Variants in CSMD1 observed in about 807,000 individuals in gnomAD.
CSMD1 encodes CUB and Sushi multiple domains 1.
CSMD1 carries 213 observed loss-of-function variants against 417.5 expected under a neutral mutation model. The ratio of observed to expected loss-of-function variants is 0.51; its 90% confidence interval spans 0.46 to 0.57. The LOEUF is 0.57. CSMD1 is among the 20% of genes least tolerant of loss of function. The pLI is 0.00. For synonymous variants in CSMD1, 2,862 were observed against 1,736.8 expected, an observed-to-expected ratio of 1.65 and a Z score of -16.11; for missense variants, 6,923 against 4,529.7, an observed-to-expected ratio of 1.53 and a Z score of -15.17.
intron 10 of CSMD1, among the ~76,000 whole-genome samples, chr8:3,552,020 G>A (rs951791360): frequency 6.6e-6 from 1 of 152,286 alleles, no homozygotes; most frequent in African/African-American, 2.4e-5. Context: ...AAGTTTCATA[G>A]CAAATGTTTA....
chr8:3,068,661 G>A (rs1227083209), intron 49 of CSMD1, among the ~76,000 whole-genome samples: 1 of 152,156 alleles, frequency 6.6e-6, no homozygotes, highest in Non-Finnish European at 1.5e-5. Context: ...AAGGCCAAGG[G>A]GGAGCAGGCT....
At chr8:4,010,876 C>G (rs1816487535) in intron 4 of CSMD1, among the ~76,000 whole-genome samples, 1 of 152,140 alleles carries the variant, frequency 6.6e-6, no homozygotes, top group South Asian at 2.1e-4. Context: ...TGGAGGAATT[C>G]CAAAACCAAA....
chr8:4,408,621 A>G (rs1796471579), intron 3 of CSMD1, among the ~76,000 whole-genome samples: 1 of 152,220 alleles, frequency 6.6e-6, no homozygotes, highest in South Asian at 2.1e-4. Flanking sequence ...ATAATGGAAA[A>G]TGTACTCTAT....
chr8:3,450,870 G>C (rs1256703182), intron 12 of CSMD1, among the ~76,000 whole-genome samples: 3 of 151,702 alleles, frequency 2.0e-5, no homozygotes, highest in Non-Finnish European at 4.4e-5. Flanking sequence ...TCTAGTTCTA[G>C]ATCCCTGAGG....
chr8:4,202,581 A>G (rs918178644), intron 3 of CSMD1, among the ~76,000 whole-genome samples: 3 of 152,218 alleles, frequency 2.0e-5, no homozygotes, highest in Non-Finnish European at 2.9e-5. Context: ...TATTCATTCA[A>G]AAAAGGTTAC....
intron 3 of CSMD1, among the ~76,000 whole-genome samples, chr8:4,187,519 C>G (rs530625860): frequency 1.1e-4 from 16 of 152,120 alleles, no homozygotes; most frequent in South Asian, 4.2e-4. Flanking sequence ...TGGCACATGC[C>G]TGTAATCCCA....
intron 3 of CSMD1, among the ~76,000 whole-genome samples, chr8:4,413,121 G>A (rs1412218788): frequency 6.6e-6 from 1 of 152,104 alleles, no homozygotes; most frequent in Non-Finnish European, 1.5e-5. Flanking sequence ...TAAGAAAGAT[G>A]GATATATAGA....
chr8:3,936,620 A>G (rs769022233), intron 5 of CSMD1, among the ~76,000 whole-genome samples: 7 of 152,130 alleles, frequency 4.6e-5, no homozygotes, highest in Non-Finnish European at 8.8e-5. Flanking sequence ...CACTGTTGAG[A>G]CGTACTGCTC....
At chr8:4,770,732 A>G (rs1392859315) in intron 1 of CSMD1, among the ~76,000 whole-genome samples, 1 of 152,108 alleles carries the variant, frequency 6.6e-6, no homozygotes, top group African/African-American at 2.4e-5. Flanking sequence ...TTGTCAAAAA[A>G]TGGTGTTAGG....
intron 4 of CSMD1, among the ~76,000 whole-genome samples, chr8:4,016,980 C>A (rs1796553394): frequency 6.6e-6 from 1 of 152,126 alleles, no homozygotes; most frequent in Non-Finnish European, 1.5e-5. Flanking sequence ...GTCTAAAACC[C>A]TGAAATCACA....
chr8:3,308,210 A>G (rs1805038440), intron 24 of CSMD1, 102 bp downstream of exon 24: 1 of 887,158 alleles, frequency 1.1e-6, no homozygotes, highest in Non-Finnish European at 1.7e-6. Context: ...GGAAAGTGTG[A>G]TAAAATTCCT....
At chr8:4,374,539 A>G (rs889396918) in intron 3 of CSMD1, among the ~76,000 whole-genome samples, 39 of 152,260 alleles carry the variant, frequency 2.6e-4, no homozygotes, top group African/African-American at 9.1e-4. Flanking sequence ...GAGGCTGGTC[A>G]GTCCCACTCA....
chr8:4,236,251 G>A (rs185129722), intron 3 of CSMD1, among the ~76,000 whole-genome samples: 27 of 151,980 alleles, frequency 1.8e-4, no homozygotes, highest in African/African-American at 5.3e-4. Context: ...CCTTCCTGAG[G>A]GGCTTTATTT....
chr8:3,374,940 T>C (rs1014248445), intron 18 of CSMD1, among the ~76,000 whole-genome samples: 1 of 152,168 alleles, frequency 6.6e-6, no homozygotes, highest in Non-Finnish European at 1.5e-5. Context: ...AACAAGTTTA[T>C]GGATGGGAGG....
rs189384139 is a variant in CSMD1 at position 3,460,598 on chromosome 8, G to A, written c.1561+8114C>T. Among the ~76,000 whole-genome samples, 295 of 152,222 alleles carry A rather than the reference G, an allele frequency of 1.9e-3. 1 individual carries two copies. The highest frequency in any genetic ancestry group is 3.2e-3 in the Admixed American group (49 of 15,296). On this transcript the variant is annotated intron_variant, in intron 12 of 69. Coordinates refer to ENST00000635120, the MANE Select transcript of CSMD1 (RefSeq NM_033225.6). ...GGGACACTGTGGAAGCCGACTAAGG[G>A]TAAGAGAATGAAGATAAACAGGAGG... is the stretch of plus-strand genomic sequence containing the variant.
intron 5 of CSMD1, among the ~76,000 whole-genome samples, chr8:3,965,268 T>C (rs1229064939): frequency 6.6e-6 from 1 of 152,186 alleles, no homozygotes; most frequent in Non-Finnish European, 1.5e-5. Context: ...GTCTCCTCCC[T>C]TAAACAGGGA....
At chr8:3,886,245 C>T (rs1806555872) in intron 5 of CSMD1, among the ~76,000 whole-genome samples, 1 of 152,064 alleles carries the variant, frequency 6.6e-6, no homozygotes, top group African/African-American at 2.4e-5. Context: ...GATGGGGTTT[C>T]ACCATGTTGG....
intron 11 of CSMD1, among the ~76,000 whole-genome samples, chr8:3,478,532 T>C (rs947263742): frequency 3.3e-5 from 5 of 152,140 alleles, no homozygotes; most frequent in Non-Finnish European, 7.3e-5. Flanking sequence ...AAAGACAAGC[T>C]GGCCTGGGAC....
intron 49 of CSMD1, among the ~76,000 whole-genome samples, chr8:3,055,536 C>T (rs1812157405): frequency 6.6e-6 from 1 of 152,172 alleles, no homozygotes; most frequent in South Asian, 2.1e-4. Flanking sequence ...TCATTCATCT[C>T]TCATTTATTC....
Sources: gnomAD v4.1 joint callset for allele counts (sites outside exome capture counted in the v4.1 genomes callset) on GRCh38, gnomAD v4.1.1 for gene constraint, MANE v1.5 for transcripts, NCBI Gene and HGNC (gene_info 2026-07-23, HGNC 2026-07-21) for gene names.